The following FBXO8 variants were observed in gnomAD, a reference collection of about 807,000 sequenced individuals.
FBXO8 encodes F-box protein 8.
FBXO8 carries 15 observed loss-of-function variants against 33.4 expected under a neutral mutation model. That is an observed-to-expected ratio of 0.45 (90% CI 0.30 to 0.69). The LOEUF (loss-of-function observed/expected upper bound fraction) is 0.69. Among genes scored for constraint, FBXO8 ranks in the 30% least tolerant of loss-of-function variants. FBXO8 has a pLI of 0.08. For missense variants in FBXO8, 274 were observed against 380.3 expected (o/e 0.72, Z 2.32); for synonymous variants, 132 against 131.5 (o/e 1.00, Z -0.02).
At position 174,261,266 on chromosome 4, in the gene FBXO8, G is replaced by A. The variant is rs1303950746; in HGVS notation, c.330-1441C>T. Reference sequence around the variant, plus strand: ...TCAATGAGTATTCAATACATCCAAAGTTGAAATTAAAACTAAGCCAGCCTT... The same window carrying A: ...TCAATGAGTATTCAATACATCCAAAATTGAAATTAAAACTAAGCCAGCCTT... On this transcript the variant is annotated intron_variant, in intron 2 of 5. Coordinates refer to ENST00000393674, the MANE Select transcript of FBXO8 (RefSeq NM_012180.3). The surrounding 1 kb of genome is among the most constrained non-coding windows in gnomAD (Gnocchi z 4.1). Among the ~76,000 whole-genome samples, 5 of 151,814 alleles carry A rather than the reference G, an allele frequency of 3.3e-5. No individual in the cohort carries two copies. Among genetic ancestry groups the A allele is most frequent in the Non-Finnish European group, 5.9e-5 (4 of 67,810 alleles).
In FBXO8 at chr4:174,236,781, T is replaced by TA. The variant is rs1735896734; in HGVS notation, c.*630dup. The TA allele has an allele frequency of 1.3e-5, 2 of 151,978 alleles. No homozygotes were observed. The highest frequency in any genetic ancestry group is 2.9e-5 in the Non-Finnish European group (2 of 67,930). The allele number at this position is 151,978 out of a possible 1,614,324, so 9.4% of individuals were successfully genotyped here. A position where few individuals can be genotyped will look rare whatever the true frequency, so the allele number is the denominator to read the frequency against. ...GACTTGATTAACCCAGTTTTTAAAATAAAAAATCAAATTATAAATTTATAT... is the reference window on the plus strand; with the variant it reads ...GACTTGATTAACCCAGTTTTTAAAATAAAAAAATCAAATTATAAATTTATAT... On this transcript the variant is annotated 3_prime_UTR_variant, in exon 6 of 6. Coordinates refer to ENST00000393674, the MANE Select transcript of FBXO8 (RefSeq NM_012180.3).
chr4:174,266,181 T>C (rs1736690663), intron 1 of FBXO8, among the ~76,000 whole-genome samples: 1 of 152,052 alleles, frequency 6.6e-6, no homozygotes, highest in Admixed American at 6.6e-5. Context: ...TTGAACACAC[T>C]GGATAATATG....
rs550653954 is a variant in FBXO8, at chr4:174,241,377, C to T, written c.457-159G>A. ...ATACAAGCTAGAACTTGAACTGAAA[C>T]TATTGTTTGTGGTTGATAGTTTACA... is the stretch of plus-strand genomic sequence containing the variant. On this transcript the variant is annotated intron_variant, in intron 3 of 5. Coordinates refer to ENST00000393674, the MANE Select transcript of FBXO8 (RefSeq NM_012180.3). This position sits in a 1 kb window ranked among gnomAD's most constrained non-coding sequence, Gnocchi z 4.2. Among the ~76,000 whole-genome samples the T allele has an allele frequency of 2.0e-5, 3 of 151,718 alleles. No homozygotes were observed. Among genetic ancestry groups the T allele is most frequent in the African/African-American group, 7.2e-5 (3 of 41,494 alleles).
rs531969372 is a variant in FBXO8, at chr4:174,270,868, C to T, written c.-8-7768G>A. 1.3e-5 allele frequency among the ~76,000 whole-genome samples: 2 copies of T among 152,116 alleles called. No homozygotes were observed. Among genetic ancestry groups the T allele is most frequent in the Admixed American group, 6.5e-5 (1 of 15,270 alleles). Reference sequence around the variant, plus strand: ...CTCACCTCAGGTGATCCGCCCGCCTCGGCTTCTCAGGAATAGGTTTTAAAC... The same window carrying T: ...CTCACCTCAGGTGATCCGCCCGCCTTGGCTTCTCAGGAATAGGTTTTAAAC... On this transcript the variant is annotated intron_variant, in intron 1 of 5. Transcript: ENST00000393674. This position sits in a 1 kb window ranked among gnomAD's most constrained non-coding sequence, Gnocchi z 4.6.
chr4:174,240,152 G>GAAGA (rs1477356511), intron 4 of FBXO8, among the ~76,000 whole-genome samples: 2 of 141,522 alleles, frequency 1.4e-5, no homozygotes, highest in Admixed American at 1.4e-4. Flanking sequence ...AAAAAAAAAA[G>GAAGA]AAGAAAGAAA....
Position 174,241,078 on chromosome 4 carries a change from A to G in FBXO8, c.575+22T>C. ...AACATTACTTAACTCATTTTGGATGAAAAGTTAATTTTCGTTTTTACCTTT... is the reference window on the plus strand; with the variant it reads ...AACATTACTTAACTCATTTTGGATGGAAAGTTAATTTTCGTTTTTACCTTT... On this transcript the variant is annotated intron_variant, in intron 4 of 5. Transcript: ENST00000393674. This position sits in a 1 kb window ranked among gnomAD's most constrained non-coding sequence, Gnocchi z 4.2. 7.1e-7 allele frequency: 1 copy of G among 1,413,934 alleles called. No individual in the cohort carries two copies. The allele number at this position is 1,413,934 out of a possible 1,614,324, so 87.6% of individuals were successfully genotyped here.
chr4:174,237,469 T>A lies in FBXO8; in HGVS notation c.903A>T (p.Glu301Asp). 6.2e-7 allele frequency: 1 copy of A among 1,613,752 alleles called. No individual in the cohort carries two copies. Among genetic ancestry groups the A allele is most frequent in the Non-Finnish European group, 8.5e-7 (1 of 1,179,740 alleles). ...NTRRAAQNIS[E>D]DFVGHLYDNI... ...TGTCATAAAGATGCCCTACAAAATC[T>A]TCACTAATATTTTGAGCAGCGCGAC... The change falls in exon 6 of 6, where the codon GAA becomes GAT. Residue 301 changes from glutamate to aspartate, a missense_variant. Physicochemically the swap from Glu to Asp is conservative, Grantham distance 45. This residue lies in a region of FBXO8 where 186 missense variants were observed against 293.4 expected (regional missense o/e 0.63). Coordinates refer to ENST00000393674, the MANE Select transcript of FBXO8 (RefSeq NM_012180.3). The surrounding 1 kb of genome is among the most constrained non-coding windows in gnomAD (Gnocchi z 4.4).
chr4:174,248,669 A>G (rs1736217031), intron 3 of FBXO8, among the ~76,000 whole-genome samples: 1 of 152,064 alleles, frequency 6.6e-6, no homozygotes, highest in African/African-American at 2.4e-5. Context: ...TTTTGTCTGG[A>G]GGATAATGAA....
rs377494877 is a variant in FBXO8 at position 174,248,154 on chromosome 4, T to C, written c.457-6936A>G. ...ATTTCATTTCTTTCTACCCACTAAA[T>C]TTTGTAATGTTTTCTGCTTTCTGTA... On this transcript the variant is annotated intron_variant, in intron 3 of 5. Coordinates refer to ENST00000393674, the MANE Select transcript of FBXO8 (RefSeq NM_012180.3). Among the ~76,000 whole-genome samples the C allele has an allele frequency of 2.0e-5, 3 of 152,096 alleles. No homozygotes were observed. The South Asian group carries it at 6.2e-4, about 31-fold the overall frequency.
rs1157253354 is a variant in FBXO8 at position 174,263,276 on chromosome 4, T to TTGA, written c.-8-179_-8-177dup. 1.3e-5 allele frequency among the ~76,000 whole-genome samples: 2 copies of TTGA among 152,208 alleles called. No homozygotes were observed. The highest frequency in any genetic ancestry group is 2.9e-5 in the Non-Finnish European group (2 of 68,034). ...AGCTGGAAAATTATAAGTGCAAATT[T>TTGA]TGATAGACAAAGTTTCAGAATTACT... On this transcript the variant is annotated intron_variant, in intron 1 of 5. Coordinates refer to ENST00000393674, the MANE Select transcript of FBXO8 (RefSeq NM_012180.3). This position sits in a 1 kb window ranked among gnomAD's most constrained non-coding sequence, Gnocchi z 4.2.
At chr4:174,273,323 T>TA (rs368582397) in intron 1 of FBXO8, among the ~76,000 whole-genome samples, 3,997 of 109,466 alleles carry the variant, frequency 0.037, 140 homozygotes, top group Middle Eastern at 0.062. Flanking sequence ...TCATAAAAGT[T>TA]AAAAAAAAAA....
chr4:174,237,292 A>T lies in FBXO8; in HGVS notation c.*120T>A. ...ATGGCAAAAGAAAAAAAGGTTGCACACTGAAGCTTGATTGTATACTCAGGC... is the reference window on the plus strand; with the variant it reads ...ATGGCAAAAGAAAAAAAGGTTGCACTCTGAAGCTTGATTGTATACTCAGGC... On this transcript the variant is annotated 3_prime_UTR_variant, in exon 6 of 6. Coordinates refer to ENST00000393674, the MANE Select transcript of FBXO8 (RefSeq NM_012180.3). The surrounding 1 kb of genome is among the most constrained non-coding windows in gnomAD (Gnocchi z 4.4). 2.7e-6 allele frequency: 2 copies of T among 748,282 alleles called. No individual in the cohort carries two copies. The highest frequency in any genetic ancestry group is 6.3e-5 in the South Asian group (2 of 31,694). 46.4% of individuals were successfully genotyped at this position (748,282 alleles called of 1,614,324 possible).
chr4:174,251,757 T>G lies in FBXO8; in HGVS notation c.456+7942A>C, dbSNP rs1336227939. On this transcript the variant is annotated intron_variant, in intron 3 of 5. Transcript: ENST00000393674. The surrounding 1 kb of genome is among the most constrained non-coding windows in gnomAD (Gnocchi z 4.2). ...GAGGCTATTTAGTGTCTGAGAGGCA[T>G]AATTTTTCACTTTGACTCTAATGCT... Among the ~76,000 whole-genome samples, 1 of 152,130 alleles carries G rather than the reference T, an allele frequency of 6.6e-6. No homozygotes were observed. Among genetic ancestry groups the G allele is most frequent in the Non-Finnish European group, 1.5e-5 (1 of 68,006 alleles).
intron 1 of FBXO8, among the ~76,000 whole-genome samples, chr4:174,264,844 C>A (rs969732385): frequency 2.7e-5 from 4 of 148,466 alleles, no homozygotes; most frequent in Admixed American, 2.0e-4. Context: ...AAGCCACGGA[C>A]CAGGAGAAAA....
At position 174,241,292 on chromosome 4, in the gene FBXO8, C is replaced by T; in HGVS notation, c.457-74G>A. On this transcript the variant is annotated intron_variant, in intron 3 of 5. Transcript: ENST00000393674. The surrounding 1 kb of genome is among the most constrained non-coding windows in gnomAD (Gnocchi z 4.2). ...GCATTTTAACAATTAAGCAATAGCA[C>T]AACAGTAGCTATAAATTCTTTCCAG... 3 of 770,202 alleles carry T rather than the reference C, an allele frequency of 3.9e-6. No individual in the cohort carries two copies. Among genetic ancestry groups the T allele is most frequent in the Middle Eastern group, 4.8e-4 (2 of 4,134 alleles). The allele number at this position is 770,202 out of a possible 1,614,324, so 47.7% of individuals were successfully genotyped here.
rs189938153 is a variant in FBXO8, at chr4:174,281,840, A to T, written c.-9+1570T>A. 3.0e-4 allele frequency among the ~76,000 whole-genome samples: 45 copies of T among 152,380 alleles called. No individual in the cohort carries two copies. The highest frequency in any genetic ancestry group is 1.5e-5 in the Non-Finnish European group (1 of 68,036). On this transcript the variant is annotated intron_variant, in intron 1 of 5. Transcript: ENST00000393674. This position sits in a 1 kb window ranked among gnomAD's most constrained non-coding sequence, Gnocchi z 4.6. ...AGAAATAGTGAACATAAATTTCCAG[A>T]AATAGATGTATTTCATTTAAATTGT...
In FBXO8 at chr4:174,241,254, G is replaced by A. The variant is rs1364723557; in HGVS notation, c.457-36C>T. ...AAGACAAGTCTACATAAATAAAATT[G>A]CTCTTTATTTATGCATTTTAACAAT... is the stretch of plus-strand genomic sequence containing the variant. On this transcript the variant is annotated intron_variant, in intron 3 of 5. Coordinates refer to ENST00000393674, the MANE Select transcript of FBXO8 (RefSeq NM_012180.3). This position sits in a 1 kb window ranked among gnomAD's most constrained non-coding sequence, Gnocchi z 4.2. The A allele has an allele frequency of 2.3e-6, 3 of 1,283,078 alleles. No homozygotes were observed. The highest frequency in any genetic ancestry group is 3.3e-6 in the Non-Finnish European group (3 of 901,892). The allele number at this position is 1,283,078 out of a possible 1,614,324, so 79.5% of individuals were successfully genotyped here.
In FBXO8 at chr4:174,270,955, A is replaced by G. The variant is rs1237550591; in HGVS notation, c.-8-7855T>C. Among the ~76,000 whole-genome samples the G allele has an allele frequency of 2.0e-5, 3 of 152,320 alleles. No individual in the cohort carries two copies. Among genetic ancestry groups the G allele is most frequent in the East Asian group, 3.9e-4 (2 of 5,188 alleles). ...TCATGACCATGATTTGCAATTTGTA[A>G]GATATCAATTGGACAGGAAACAGAA... On this transcript the variant is annotated intron_variant, in intron 1 of 5. Coordinates refer to ENST00000393674, the MANE Select transcript of FBXO8 (RefSeq NM_012180.3). The surrounding 1 kb of genome is among the most constrained non-coding windows in gnomAD (Gnocchi z 4.6).
intron 3 of FBXO8, among the ~76,000 whole-genome samples, chr4:174,244,889 A>AT (rs568360555): frequency 4.6e-5 from 7 of 151,866 alleles, no homozygotes; most frequent in South Asian, 4.1e-4. Context: ...TAGTCATTTG[A>AT]TTTTTTTAAA....
Sources: allele counts gnomAD v4.1 joint callset (sites outside exome capture counted in the v4.1 genomes callset), GRCh38; gene constraint gnomAD v4.1.1; regional missense constraint gnomAD v4.1.1; non-coding constraint Gnocchi (gnomAD v3.1); transcripts MANE v1.5; gene names NCBI Gene and HGNC (gene_info 2026-07-23, HGNC 2026-07-21).